SLC16A9: variants seen among roughly 807,000 people sequenced by gnomAD.
The protein encoded by SLC16A9 is monocarboxylate transporter 9.
A neutral mutation model predicts 44.3 loss-of-function variants in SLC16A9; 26 were observed. That is an observed-to-expected ratio of 0.59 (90% CI 0.43 to 0.81). The LOEUF (loss-of-function observed/expected upper bound fraction) is 0.81, where lower values mean the gene tolerates loss of function less well. Ranked by LOEUF, SLC16A9 falls within the 40% of genes least tolerant of loss-of-function variation. The pLI, the probability that SLC16A9 is intolerant of heterozygous loss-of-function variation, is 0.00. For missense variants in SLC16A9, 559 were observed against 595.8 expected (o/e 0.94, Z 0.64); for synonymous variants, 230 against 225.1 (o/e 1.02, Z -0.19).
intron 3 of SLC16A9, among the ~76,000 whole-genome samples, chr10:59,665,042 A>G (rs1839578141): frequency 6.6e-6 from 1 of 151,818 alleles, no homozygotes; most frequent in African/African-American, 2.4e-5. Context: ...AAATTATTTT[A>G]TAATTAACAA....
chr10:59,696,838 G>C (rs1450734752), intron 1 of SLC16A9, among the ~76,000 whole-genome samples: 1 of 150,914 alleles, frequency 6.6e-6, no homozygotes, highest in Admixed American at 6.6e-5. Flanking sequence ...CAGCCACACC[G>C]TCTGAGAAGC....
intron 2 of SLC16A9, among the ~76,000 whole-genome samples, chr10:59,683,373 TTC>T (rs1354674253): frequency 6.6e-6 from 1 of 152,248 alleles, no homozygotes; most frequent in Non-Finnish European, 1.5e-5. Flanking sequence ...GTCTCTACTA[TTC>T]TCTCTAAAGA....
intron 3 of SLC16A9, among the ~76,000 whole-genome samples, chr10:59,668,413 C>T (rs1362963762): frequency 6.6e-6 from 1 of 152,164 alleles, no homozygotes; most frequent in Admixed American, 6.5e-5. Flanking sequence ...CCACTTCCTG[C>T]CTGTTTTTCA....
At chr10:59,675,025 C>A (rs1208596828) in intron 2 of SLC16A9, among the ~76,000 whole-genome samples, 2 of 152,006 alleles carry the variant, frequency 1.3e-5, no homozygotes, top group African/African-American at 2.4e-5. Flanking sequence ...AAAAAATGAA[C>A]AGAAATTCTC....
At position 59,684,327 on chromosome 10, in the gene SLC16A9, C is replaced by G. The variant is rs753469067; in HGVS notation, c.-36G>C. 2 of 1,574,052 alleles carry G rather than the reference C, an allele frequency of 1.3e-6. No homozygotes were observed. Among genetic ancestry groups the G allele is most frequent in the Admixed American group, 3.5e-5 (2 of 57,440 alleles). ...AATCAGGAGGCGTTTCTCTGCAGGT[C>G]CTAAACAAAAACAAACAGAAAAGAG... On this transcript the variant is annotated splice_region_variant and 5_prime_UTR_variant, in exon 2 of 6. Transcript: ENST00000395348.
At chr10:59,674,279 C>CTAT (rs1839813097) in intron 2 of SLC16A9, among the ~76,000 whole-genome samples, 1 of 152,158 alleles carries the variant, frequency 6.6e-6, no homozygotes. Flanking sequence ...AACCCATGCA[C>CTAT]TATGCTCTTA....
intron 1 of SLC16A9, among the ~76,000 whole-genome samples, chr10:59,706,994 C>T (rs541935066): frequency 9.0e-6 from 1 of 110,716 alleles, no homozygotes; most frequent in Admixed American, 1.1e-4. Flanking sequence ...AGTGAAACTC[C>T]ATCTCAAAAA....
intron 4 of SLC16A9, among the ~76,000 whole-genome samples, chr10:59,661,403 A>G (rs546753364): frequency 1.4e-4 from 22 of 152,288 alleles, no homozygotes; most frequent in South Asian, 8.3e-4. Context: ...TTCACATGCT[A>G]CATAGAGAAT....
intron 4 of SLC16A9, among the ~76,000 whole-genome samples, chr10:59,656,367 G>T (rs1839348619): frequency 6.6e-6 from 1 of 152,108 alleles, no homozygotes; most frequent in Non-Finnish European, 1.5e-5. Context: ...AATGCTCTTG[G>T]TGTTTTGAAA....
In SLC16A9 at chr10:59,651,416, A is replaced by T. The variant is rs1839195190; in HGVS notation, c.*1356T>A. 6.6e-6 allele frequency: 1 copy of T among 152,184 alleles called. No homozygotes were observed. The highest frequency in any genetic ancestry group is 2.1e-4 in the South Asian group (1 of 4,830). 9.4% of individuals were successfully genotyped at this position (152,184 alleles called of 1,614,324 possible). ...AAAAAATTATTATTTAAAAGAATAAATGTTTTTCCATTGCCAATCTTATAA... is the reference window on the plus strand; with the variant it reads ...AAAAAATTATTATTTAAAAGAATAATTGTTTTTCCATTGCCAATCTTATAA... On this transcript the variant is annotated 3_prime_UTR_variant, in exon 6 of 6. Coordinates refer to ENST00000395348, the MANE Select transcript of SLC16A9 (RefSeq NM_194298.3).
intron 1 of SLC16A9, among the ~76,000 whole-genome samples, chr10:59,691,425 T>G (rs1394347371): frequency 2.0e-5 from 3 of 152,162 alleles, no homozygotes; most frequent in South Asian, 2.1e-4. Context: ...TTCACAGAAT[T>G]AATTTGAATT....
intron 2 of SLC16A9, among the ~76,000 whole-genome samples, chr10:59,679,801 A>G (rs1296337395): frequency 4.6e-5 from 7 of 152,192 alleles, no homozygotes; most frequent in African/African-American, 1.4e-4. Flanking sequence ...CAGCCTCTGC[A>G]GTACCAAATC....
chr10:59,700,808 C>G (rs1441843695), intron 1 of SLC16A9, among the ~76,000 whole-genome samples: 4 of 152,182 alleles, frequency 2.6e-5, no homozygotes, highest in African/African-American at 4.8e-5. Flanking sequence ...TTCCCTGCAT[C>G]CTCACAGTTT....
At chr10:59,672,671 T>C (rs1049087623) in intron 3 of SLC16A9, 99 bp downstream of exon 3, 7 of 1,215,158 alleles carry the variant, frequency 5.8e-6, no homozygotes, top group Non-Finnish European at 7.9e-6. Flanking sequence ...TTAGTGAGCA[T>C]TTTCACTCCT....
chr10:59,694,815 T>C (rs979023625), intron 1 of SLC16A9, among the ~76,000 whole-genome samples: 8 of 50,298 alleles, frequency 1.6e-4, no homozygotes, highest in Non-Finnish European at 3.0e-4. Flanking sequence ...TATATATATA[T>C]ATACACACAC....
At chr10:59,655,242 A>C (rs1340885078) in intron 4 of SLC16A9, among the ~76,000 whole-genome samples, 2 of 152,174 alleles carry the variant, frequency 1.3e-5, no homozygotes, top group Non-Finnish European at 2.9e-5. Flanking sequence ...GTGAGCCAAG[A>C]TTGCACCACT....
intron 1 of SLC16A9, among the ~76,000 whole-genome samples, chr10:59,694,447 T>C (rs1037110374): frequency 1.3e-5 from 2 of 152,118 alleles, no homozygotes; most frequent in African/African-American, 4.8e-5. Context: ...TAGCCAGTGA[T>C]TAATATATAT....
chr10:59,702,688 T>C, intron 1 of SLC16A9, among the ~76,000 whole-genome samples: 1 of 152,272 alleles, frequency 6.6e-6, no homozygotes, highest in East Asian at 1.9e-4. Context: ...GAAACTCAGC[T>C]TTAAAAACAC....
At chr10:59,696,980 T>G (rs1483900425) in intron 1 of SLC16A9, among the ~76,000 whole-genome samples, 1 of 122,248 alleles carries the variant, frequency 8.2e-6, no homozygotes, top group Non-Finnish European at 1.7e-5. Flanking sequence ...AGAAGGGAGG[T>G]GGGGGGGTCA....
Sources: gnomAD v4.1 joint callset for allele counts (sites outside exome capture counted in the v4.1 genomes callset) on GRCh38, gnomAD v4.1.1 for gene constraint, MANE v1.5 for transcripts, NCBI Gene and HGNC (gene_info 2026-07-23, HGNC 2026-07-21) for gene names.